Variants in ADAMTSL3 observed in about 807,000 individuals in gnomAD.
ADAMTSL3 encodes ADAMTS-like protein 3.
Under a neutral mutation model 201.7 loss-of-function variants are expected in ADAMTSL3, and 128 were observed. The observed-to-expected ratio is 0.63, with a 90% CI of 0.55 to 0.73. The LOEUF is 0.73. Among genes scored for constraint, ADAMTSL3 ranks in the 30% least tolerant of loss-of-function variants. ADAMTSL3 has a pLI of 0.00. For missense variants in ADAMTSL3, 1,990 were observed against 2,119.6 expected (o/e 0.94, Z 1.20); for synonymous variants, 738 against 748.4 (o/e 0.99, Z 0.23).
rs143184034 is a variant in ADAMTSL3, at chr15:83,997,035, A to G, written c.3973+5821A>G. On this transcript the variant is annotated intron_variant, in intron 23 of 29. Transcript: ENST00000286744. ...CATCATACACTGCTGGTCACAGTGTATATGTAATGAACCAATTTAGAGAAC... is the reference window on the plus strand; with the variant it reads ...CATCATACACTGCTGGTCACAGTGTGTATGTAATGAACCAATTTAGAGAAC... Among the ~76,000 whole-genome samples the G allele has an allele frequency of 4.8e-3, 734 of 152,328 alleles. 12 individuals carry two copies. Among genetic ancestry groups the G allele is most frequent in the Admixed American group, 0.036 (550 of 15,298 alleles).
At position 83,773,616 on chromosome 15, in the gene ADAMTSL3, G is replaced by A. The variant is rs1329785859; in HGVS notation, c.283G>A (p.Ala95Thr). 6.2e-6 allele frequency: 10 copies of A among 1,612,356 alleles called. No individual in the cohort carries two copies. In the South Asian group the frequency reaches 9.9e-5, roughly 16 times the overall value. ...CTGCTCCCGGACCTGTGGGGGAGGA[G>A]CATCATATTCTCTGCGGAGATGTTT... ...SDCSRTCGGGASYSLRRCLTG... is the reference protein window; with the variant it reads ...SDCSRTCGGGTSYSLRRCLTG... The change falls in exon 4 of 30, where the codon GCA (alanine) becomes ACA (threonine). Residue 95 changes from alanine (A) to threonine (T), a missense_variant. Coordinates refer to ENST00000286744, the MANE Select transcript of ADAMTSL3 (RefSeq NM_207517.3).
At chr15:83,866,556 C>A (rs2064982460) in intron 8 of ADAMTSL3, among the ~76,000 whole-genome samples, 2 of 150,118 alleles carry the variant, frequency 1.3e-5, no homozygotes, top group Non-Finnish European at 1.5e-5. Flanking sequence ...GGGAATTGAA[C>A]AATGAGAACA....
At chr15:83,773,424 ACT>A (rs992249490) in intron 3 of ADAMTSL3, 97 bp from the exon 4 acceptor site, 1 of 1,323,682 alleles carries the variant, frequency 7.6e-7, no homozygotes, top group Admixed American at 2.3e-5. Flanking sequence ...AAAAAAGGTG[ACT>A]CTGGAATAAC....
Position 83,982,745 on chromosome 15 carries a change from C to A in ADAMTSL3, c.3117C>A (p.Asn1039Lys), listed in dbSNP as rs751554655. The A allele has an allele frequency of 6.2e-7, 1 of 1,613,868 alleles. No homozygotes were observed. Among genetic ancestry groups the A allele is most frequent in the Non-Finnish European group, 8.5e-7 (1 of 1,180,020 alleles). ...TWHKMRQMWN[N>K]KNDLYLDDDH... ...ACAAAATGAGGCAAATGTGGAATAACAAAAATGACCTTTATCTGGATGATG... is the reference window on the plus strand; with the variant it reads ...ACAAAATGAGGCAAATGTGGAATAAAAAAAATGACCTTTATCTGGATGATG... The change falls in exon 21 of 30, where the codon AAC becomes AAA. Residue 1039 changes from asparagine (N) to lysine (K), a missense_variant. By Grantham distance (94) the Asn-to-Lys change is moderately conservative. Coordinates refer to ENST00000286744, the MANE Select transcript of ADAMTSL3 (RefSeq NM_207517.3).
At chr15:83,963,548 G>A (rs138896008) in intron 19 of ADAMTSL3, among the ~76,000 whole-genome samples, 255 of 152,304 alleles carry the variant, frequency 1.7e-3, no homozygotes, top group African/African-American at 5.9e-3. Context: ...CTGGGACAGA[G>A]TACCTGGGGG....
rs1430944206 is a variant in ADAMTSL3, at chr15:83,898,081, T to A, written c.1615+76T>A. 5 of 1,473,738 alleles carry A rather than the reference T, an allele frequency of 3.4e-6. No individual in the cohort carries two copies. In the Admixed American group the frequency reaches 6.2e-5, roughly 18 times the overall value. The allele number at this position is 1,473,738 out of a possible 1,614,324, so 91.3% of individuals were successfully genotyped here. A position where few individuals can be genotyped will look rare whatever the true frequency, so the allele number is the denominator to read the frequency against. On this transcript the variant is annotated intron_variant, in intron 14 of 29. Transcript: ENST00000286744. ...CCATTCCAATATTGTAGCATTTCCC[T>A]TTCAACTTACTACTTTCTTATAAAA...
intron 5 of ADAMTSL3, among the ~76,000 whole-genome samples, chr15:83,808,665 A>C (rs1436524655): frequency 6.6e-6 from 1 of 152,212 alleles, no homozygotes; most frequent in Non-Finnish European, 1.5e-5. Context: ...TATCACAGAG[A>C]CATCCTCACT....
intron 10 of ADAMTSL3, among the ~76,000 whole-genome samples, chr15:83,888,205 T>G (rs1596359922): frequency 6.6e-6 from 1 of 152,378 alleles, no homozygotes; most frequent in African/African-American, 2.4e-5. Context: ...TTGGGGTTCC[T>G]GCCGTTTTCT....
At chr15:83,991,907 A>T (rs2141836973) in intron 23 of ADAMTSL3, among the ~76,000 whole-genome samples, 1 of 152,320 alleles carries the variant, frequency 6.6e-6, no homozygotes, top group Non-Finnish European at 1.5e-5. Flanking sequence ...TAAATATTAT[A>T]TGCTGCATAT....
At chr15:83,980,224 C>A (rs1477076236) in intron 20 of ADAMTSL3, among the ~76,000 whole-genome samples, 1 of 152,152 alleles carries the variant, frequency 6.6e-6, no homozygotes, top group African/African-American at 2.4e-5. Context: ...CTCACCTGCT[C>A]AGGCCACTCT....
At chr15:83,890,357 A>G in intron 11 of ADAMTSL3, 110 bp downstream of exon 11, 1 of 1,415,576 alleles carries the variant, frequency 7.1e-7, no homozygotes, top group Non-Finnish European at 9.5e-7. Context: ...GGCTTTGTCT[A>G]CTGGCGGCAG....
At chr15:83,788,582 G>A (rs139691308) in intron 4 of ADAMTSL3, among the ~76,000 whole-genome samples, 2 of 152,214 alleles carry the variant, frequency 1.3e-5, no homozygotes, top group African/African-American at 2.4e-5. Flanking sequence ...AAATCTAAAG[G>A]CATCTGGATT....
chr15:83,663,012 G>A (rs192510339), intron 2 of ADAMTSL3, among the ~76,000 whole-genome samples: 86 of 152,214 alleles, frequency 5.6e-4, no homozygotes, highest in Non-Finnish European at 2.5e-4. Flanking sequence ...ACTTGCTGCC[G>A]GGGTCTTCTC....
chr15:83,989,941 T>C (rs909448138), intron 22 of ADAMTSL3, among the ~76,000 whole-genome samples: 2 of 152,230 alleles, frequency 1.3e-5, no homozygotes, highest in African/African-American at 4.8e-5. Flanking sequence ...AAGTGGGAAG[T>C]CAGACATTTT....
intron 23 of ADAMTSL3, among the ~76,000 whole-genome samples, chr15:84,011,093 A>C (rs573186123): frequency 6.6e-6 from 1 of 152,354 alleles, no homozygotes; most frequent in Admixed American, 6.5e-5. Context: ...TCTTACATAG[A>C]GTAGGCACTC....
At chr15:83,993,789 T>G (rs2067628339) in intron 23 of ADAMTSL3, among the ~76,000 whole-genome samples, 1 of 152,122 alleles carries the variant, frequency 6.6e-6, no homozygotes, top group South Asian at 2.1e-4. Flanking sequence ...TGGGTGGGGG[T>G]AATTTAAAGC....
intron 27 of ADAMTSL3, among the ~76,000 whole-genome samples, chr15:84,026,793 A>G (rs144538141): frequency 1.3e-5 from 2 of 152,350 alleles, no homozygotes; most frequent in East Asian, 3.9e-4. Context: ...TCAGAGAACT[A>G]AATTTAAGAG....
At chr15:83,834,159 G>A (rs943724495) in intron 6 of ADAMTSL3, among the ~76,000 whole-genome samples, 3 of 152,178 alleles carry the variant, frequency 2.0e-5, no homozygotes, top group African/African-American at 7.2e-5. Context: ...CGGAGACTCA[G>A]GCTTTATTTG....
intron 3 of ADAMTSL3, among the ~76,000 whole-genome samples, chr15:83,757,255 A>G (rs1314553463): frequency 2.0e-5 from 3 of 152,240 alleles, no homozygotes; most frequent in South Asian, 2.1e-4. Flanking sequence ...AAACTTTTGC[A>G]TGGACATCCA....
Sources: gnomAD v4.1 joint callset for allele counts (sites outside exome capture counted in the v4.1 genomes callset) on GRCh38, gnomAD v4.1.1 for gene constraint, MANE v1.5 for transcripts, NCBI Gene and HGNC (gene_info 2026-07-23, HGNC 2026-07-21) for gene names.